Variants in ADGRB3 observed in about 807,000 individuals in gnomAD.
ADGRB3 encodes brain-specific angiogenesis inhibitor 3.
ADGRB3 carries 37 observed loss-of-function variants against 193.4 expected under a neutral mutation model. That is an observed-to-expected ratio of 0.19 (90% CI 0.15 to 0.25). ADGRB3 has a LOEUF of 0.25. ADGRB3 is among the 10% of genes least tolerant of loss of function. ADGRB3 has a pLI of 1.00. For missense variants in ADGRB3, 1,637 were observed against 1,852.9 expected, an observed-to-expected ratio of 0.88 and a Z score of 2.14; for synonymous variants, 690 against 644.2, an observed-to-expected ratio of 1.07 and a Z score of -1.08.
intron 15 of ADGRB3, among the ~76,000 whole-genome samples, chr6:69,061,114 A>C (rs1227252789): frequency 3.9e-5 from 6 of 151,904 alleles, no homozygotes; most frequent in African/African-American, 1.4e-4. Context: ...TGTCTGCAAC[A>C]ATCTTCCTCT....
chr6:68,857,518 G>A (rs1765021703), intron 3 of ADGRB3, among the ~76,000 whole-genome samples: 1 of 152,140 alleles, frequency 6.6e-6, no homozygotes, highest in Admixed American at 6.5e-5. Context: ...TACTTGCATG[G>A]GCCCTGTAAT....
At chr6:69,064,279 CTTTAAACTATTCTAAATAGTTTAACTA>C (rs1265388866) in intron 16 of ADGRB3, among the ~76,000 whole-genome samples, 1 of 151,530 alleles carries the variant, frequency 6.6e-6, no homozygotes, top group Non-Finnish European at 1.5e-5. Context: ...AACTATTTAA[CTTTAAACTATTCTAAATAGTTTAACTA>C]TTTAAACTAT....
intron 17 of ADGRB3, among the ~76,000 whole-genome samples, chr6:69,213,770 G>C (rs891709111): frequency 6.6e-6 from 1 of 152,130 alleles, no homozygotes; most frequent in Non-Finnish European, 1.5e-5. Context: ...GGTAAAGCTA[G>C]ATTAGATAGA....
chr6:69,031,571 C>CTTTCTTTCT (rs1337493560), intron 13 of ADGRB3, among the ~76,000 whole-genome samples: 4 of 106,844 alleles, frequency 3.7e-5, no homozygotes, highest in Non-Finnish European at 5.8e-5. Flanking sequence ...TTCTTTTCTT[C>CTTTCTTTCT]CTCTGTCTCT....
At chr6:68,984,829 G>A (rs1333032854) in intron 10 of ADGRB3, among the ~76,000 whole-genome samples, 3 of 152,038 alleles carry the variant, frequency 2.0e-5, no homozygotes, top group Admixed American at 6.6e-5. Context: ...AAGCAGATGG[G>A]AAAGATGAAT....
intron 10 of ADGRB3, among the ~76,000 whole-genome samples, chr6:68,991,526 T>C (rs538805562): frequency 1.1e-4 from 17 of 151,812 alleles, no homozygotes; most frequent in African/African-American, 3.9e-4. Flanking sequence ...ATGTGAATGC[T>C]TGTGGAAAGA....
intron 3 of ADGRB3, among the ~76,000 whole-genome samples, chr6:68,831,253 GCTA>G (rs550830385): frequency 1.0e-3 from 149 of 148,914 alleles, no homozygotes; most frequent in African/African-American, 3.6e-3. Flanking sequence ...AGAGCCCAAG[GCTA>G]CTCACTTAGG....
At chr6:68,927,489 C>T (rs1767213635) in intron 3 of ADGRB3, among the ~76,000 whole-genome samples, 1 of 151,982 alleles carries the variant, frequency 6.6e-6, no homozygotes. Context: ...GAAGATAATG[C>T]CATCTTGAAA....
intron 17 of ADGRB3, among the ~76,000 whole-genome samples, chr6:69,178,639 G>T (rs1285346422): frequency 2.0e-5 from 3 of 152,066 alleles, no homozygotes; most frequent in African/African-American, 4.8e-5. Context: ...TCATAAGTTT[G>T]GTCTGACAGT....
chr6:69,143,175 C>T (rs185061145), intron 17 of ADGRB3, among the ~76,000 whole-genome samples: 15 of 152,044 alleles, frequency 9.9e-5, no homozygotes, highest in Admixed American at 3.3e-4. Flanking sequence ...GCCATTTGTA[C>T]GTCTTGTTTT....
chr6:68,843,050 AC>A (rs368944414), intron 3 of ADGRB3, among the ~76,000 whole-genome samples: 24 of 90,440 alleles, frequency 2.7e-4, no homozygotes, highest in Middle Eastern at 6.4e-3. Context: ...ATATACAACA[AC>A]AAAAAAAAAA....
intron 3 of ADGRB3, among the ~76,000 whole-genome samples, chr6:68,924,260 C>T (rs1767120640): frequency 2.0e-5 from 3 of 152,058 alleles, no homozygotes; most frequent in Admixed American, 2.0e-4. Context: ...TGAATTCTTG[C>T]ATGGAAGAGT....
chr6:68,809,125 A>G (rs1327817185), intron 3 of ADGRB3, among the ~76,000 whole-genome samples: 1 of 152,172 alleles, frequency 6.6e-6, no homozygotes, highest in Admixed American at 6.5e-5. Flanking sequence ...TATGAAGTAT[A>G]TACATTCTGA....
intron 17 of ADGRB3, among the ~76,000 whole-genome samples, chr6:69,223,652 C>CTTTTTTTTTTTTTT (rs554027181): frequency 9.1e-6 from 1 of 110,390 alleles, no homozygotes; most frequent in African/African-American, 3.9e-5. Flanking sequence ...CTCTCTCTCT[C>CTTTTTTTTTTTTTT]TTTTTTTTTT....
intron 3 of ADGRB3, among the ~76,000 whole-genome samples, chr6:68,682,773 C>CT (rs987446612): frequency 1.5e-3 from 223 of 148,654 alleles, no homozygotes; most frequent in Admixed American, 2.5e-3. Context: ...TTTTCTTTCA[C>CT]TTTTTTTTTT....
intron 29 of ADGRB3, among the ~76,000 whole-genome samples, chr6:69,367,912 G>A (rs984810375): frequency 1.4e-5 from 2 of 146,502 alleles, no homozygotes; most frequent in Non-Finnish European, 3.0e-5. Flanking sequence ...ACCAAACACC[G>A]CATATTCTCA....
chr6:69,327,714 A>G, intron 21 of ADGRB3, 106 bp from the exon 22 acceptor site: 1 of 790,146 alleles, frequency 1.3e-6, no homozygotes, highest in South Asian at 2.8e-5. Context: ...TCATCCAAAG[A>G]TAGTTTATCT....
intron 17 of ADGRB3, among the ~76,000 whole-genome samples, chr6:69,147,424 A>G (rs1774535289): frequency 6.6e-6 from 1 of 152,180 alleles, no homozygotes; most frequent in African/African-American, 2.4e-5. Flanking sequence ...GGAACATATC[A>G]TTGCATTTCC....
chr6:68,866,994 G>A (rs1451267617), intron 3 of ADGRB3, among the ~76,000 whole-genome samples: 1 of 152,312 alleles, frequency 6.6e-6, no homozygotes, highest in African/African-American at 2.4e-5. Flanking sequence ...TGAAAAATTT[G>A]CAGACTGACC....
Sources: gnomAD v4.1 joint callset for allele counts (sites outside exome capture counted in the v4.1 genomes callset) on GRCh38, gnomAD v4.1.1 for gene constraint, MANE v1.5 for transcripts, NCBI Gene and HGNC (gene_info 2026-07-23, HGNC 2026-07-21) for gene names.